The following PPP1R9A variants were observed in gnomAD, a reference collection of about 807,000 sequenced individuals.
PPP1R9A encodes the protein protein phosphatase 1 regulatory subunit 9A.
A neutral mutation model predicts 141.9 loss-of-function variants in PPP1R9A; 59 were observed. The observed-to-expected ratio is 0.42, with a 90% CI of 0.34 to 0.52. PPP1R9A has a LOEUF of 0.52. PPP1R9A is among the 20% of genes least tolerant of loss of function. The probability of loss-of-function intolerance (pLI) is 0.10; values close to 1 mark genes in which losing one functional copy is unlikely to be tolerated. For missense variants in PPP1R9A, 1,444 were observed against 1,611.9 expected, an observed-to-expected ratio of 0.90 and a Z score of 1.78; for synonymous variants, 500 against 569.7, an observed-to-expected ratio of 0.88 and a Z score of 1.74.
chr7:94,959,271 G>A (rs1326957242), intron 2 of PPP1R9A, among the ~76,000 whole-genome samples: 2 of 151,784 alleles, frequency 1.3e-5, no homozygotes, highest in Non-Finnish European at 3.0e-5. Context: ...TTTATTTAAT[G>A]TGATGTGTTT....
At chr7:95,278,367 T>C (rs1418378049) in intron 16 of PPP1R9A, among the ~76,000 whole-genome samples, 1 of 152,214 alleles carries the variant, frequency 6.6e-6, no homozygotes, top group African/African-American at 2.4e-5. Flanking sequence ...TAATATTGAT[T>C]ACATGTCAAA....
chr7:95,261,550 A>T (rs1800434460), intron 12 of PPP1R9A, among the ~76,000 whole-genome samples: 1 of 152,144 alleles, frequency 6.6e-6, no homozygotes, highest in Non-Finnish European at 1.5e-5. Context: ...TGAAAAGGTC[A>T]TTCAGGTATT....
chr7:95,089,748 TTATAA>T (rs1817088833), intron 2 of PPP1R9A, among the ~76,000 whole-genome samples: 1 of 151,408 alleles, frequency 6.6e-6, no homozygotes, highest in Non-Finnish European at 1.5e-5. Context: ...TTAAACTAAC[TTATAA>T]TATTACTGAG....
At chr7:95,247,700 A>G (rs534475710) in intron 9 of PPP1R9A, among the ~76,000 whole-genome samples, 174 bp downstream of exon 9, 1 of 152,296 alleles carries the variant, frequency 6.6e-6, no homozygotes, top group Admixed American at 6.5e-5. Flanking sequence ...GCAAACACCC[A>G]CATCCCCCTC....
intron 2 of PPP1R9A, among the ~76,000 whole-genome samples, chr7:95,052,772 A>T (rs945137263): frequency 6.6e-6 from 1 of 152,192 alleles, no homozygotes; most frequent in Non-Finnish European, 1.5e-5. Flanking sequence ...GCATCAACCA[A>T]TAGTCAGGAA....
chr7:95,121,598 G>A (rs1309644438), intron 4 of PPP1R9A, among the ~76,000 whole-genome samples: 1 of 152,020 alleles, frequency 6.6e-6, no homozygotes, highest in Non-Finnish European at 1.5e-5. Context: ...AGTTTGTTTT[G>A]TGCTGCTATG....
chr7:94,979,182 T>A (rs1239353868), intron 2 of PPP1R9A, among the ~76,000 whole-genome samples: 1 of 152,182 alleles, frequency 6.6e-6, no homozygotes, highest in African/African-American at 2.4e-5. Context: ...GGAGAGACAG[T>A]TGGTTTACTA....
chr7:95,037,696 T>TGTGCGTGCGCGCGTGTGTGTGTGC (rs1554476657), intron 2 of PPP1R9A, among the ~76,000 whole-genome samples: 4 of 151,386 alleles, frequency 2.6e-5, no homozygotes, highest in African/African-American at 9.7e-5. Flanking sequence ...ATGCTGTGTG[T>TGTGCGTGCGCGCGTGTGTGTGTGC]GTGCGTGCGC....
At chr7:95,000,559 C>T (rs537528057) in intron 2 of PPP1R9A, among the ~76,000 whole-genome samples, 2 of 151,342 alleles carry the variant, frequency 1.3e-5, no homozygotes, top group African/African-American at 4.9e-5. Flanking sequence ...TTTCCTTTTT[C>T]CAGGTGAAAA....
intron 2 of PPP1R9A, among the ~76,000 whole-genome samples, chr7:95,103,740 A>G (rs1483136199): frequency 1.3e-5 from 2 of 152,150 alleles, no homozygotes; most frequent in African/African-American, 2.4e-5. Flanking sequence ...TTGTCCTAAT[A>G]GACTTTGTCT....
intron 2 of PPP1R9A, among the ~76,000 whole-genome samples, chr7:94,980,222 T>G (rs757720739): frequency 7.9e-5 from 12 of 151,402 alleles, no homozygotes; most frequent in South Asian, 4.2e-4. Context: ...TCTCATAATG[T>G]TTAAGAAAGT....
chr7:95,189,016 G>GA (rs1167354329), intron 5 of PPP1R9A, among the ~76,000 whole-genome samples: 2 of 152,020 alleles, frequency 1.3e-5, no homozygotes, highest in African/African-American at 4.8e-5. Context: ...TTATTTCTTT[G>GA]AAAAATCCTT....
intron 2 of PPP1R9A, among the ~76,000 whole-genome samples, chr7:95,054,896 G>A (rs1289296081): frequency 6.6e-6 from 1 of 152,090 alleles, no homozygotes; most frequent in African/African-American, 2.4e-5. Context: ...TTAGCACAGG[G>A]CCTATTTGTA....
chr7:95,007,676 A>G (rs1803812946), intron 2 of PPP1R9A, among the ~76,000 whole-genome samples: 1 of 152,354 alleles, frequency 6.6e-6, no homozygotes, highest in South Asian at 2.1e-4. Context: ...GAAATATTGT[A>G]TAATCCATGT....
intron 2 of PPP1R9A, among the ~76,000 whole-genome samples, chr7:95,012,957 T>C (rs1804633041): frequency 6.6e-6 from 1 of 152,194 alleles, no homozygotes; most frequent in South Asian, 2.1e-4. Context: ...ATGGGATGAC[T>C]TCTCTGGCCC....
At chr7:94,922,045 A>G (rs1792910159) in intron 2 of PPP1R9A, among the ~76,000 whole-genome samples, 2 of 151,126 alleles carry the variant, frequency 1.3e-5, no homozygotes. Context: ...TAGCGTCTAG[A>G]ATTACCTATT....
chr7:95,128,255 T>A (rs1026807832), intron 4 of PPP1R9A, among the ~76,000 whole-genome samples: 1 of 152,234 alleles, frequency 6.6e-6, no homozygotes, highest in Non-Finnish European at 1.5e-5. Flanking sequence ...TGCATTTCCC[T>A]GGTGATTAGT....
chr7:95,248,275 C>T (rs1381436275), intron 9 of PPP1R9A, among the ~76,000 whole-genome samples: 2 of 149,752 alleles, frequency 1.3e-5, no homozygotes, highest in African/African-American at 2.5e-5. Flanking sequence ...CCCTCCCCCG[C>T]CCCCAATCAC....
chr7:95,004,216 G>T (rs898717945), intron 2 of PPP1R9A, among the ~76,000 whole-genome samples: 1 of 152,032 alleles, frequency 6.6e-6, no homozygotes, highest in East Asian at 1.9e-4. Flanking sequence ...GAGCAGATCT[G>T]TGCATCACTT....
Sources: gnomAD v4.1 joint callset for allele counts (sites outside exome capture counted in the v4.1 genomes callset) on GRCh38, gnomAD v4.1.1 for gene constraint, MANE v1.5 for transcripts, NCBI Gene and HGNC (gene_info 2026-07-23, HGNC 2026-07-21) for gene names.